Variants in MROH7 observed in about 807,000 individuals in gnomAD.
MROH7 encodes maestro heat like repeat family member 7.
Under a neutral mutation model 129.2 loss-of-function variants are expected in MROH7, and 113 were observed. The observed-to-expected ratio is 0.87, with a 90% CI of 0.75 to 1.02. MROH7 has a LOEUF of 1.02. MROH7 is among the 50% of genes least tolerant of loss of function. The probability of loss-of-function intolerance (pLI) is 0.00; values close to 1 mark genes in which losing one functional copy is unlikely to be tolerated. For synonymous variants in MROH7, 655 were observed against 667.9 expected (o/e 0.98, Z 0.30); for missense variants, 1,601 against 1,671.3 (o/e 0.96, Z 0.73).
chr1:54,678,845 G>T lies in MROH7; in HGVS notation c.2040G>T (p.Arg680=). ...TGAGCCCGTGCCAGAACATTCTGCG[G>T]GTGATCGAGGTGACTGCCTGGTGCC... ...NPVSPCQNIL[R]VIEEFGDFLG... Residue 680 remains arginine (R), a synonymous_variant, in exon 11 of 24, where the codon CGG becomes CGT. Transcript: ENST00000421030. The T allele has an allele frequency of 6.2e-7, 1 of 1,613,496 alleles. No homozygotes were observed. Among genetic ancestry groups the T allele is most frequent in the Non-Finnish European group, 8.5e-7 (1 of 1,179,526 alleles).
At chr1:54,661,051 A>T (rs1167127524) in intron 3 of MROH7, among the ~76,000 whole-genome samples, 2 of 146,602 alleles carry the variant, frequency 1.4e-5, no homozygotes, top group South Asian at 2.2e-4. Flanking sequence ...CGGCATGTAC[A>T]TTTTGCTCAT....
Position 54,653,127 on chromosome 1 carries a change from A to C in MROH7, c.201A>C (p.Pro67=), listed in dbSNP as rs1334591195. Residue 67 remains proline (P), a synonymous_variant, in exon 3 of 24, where the codon CCA becomes CCC. Transcript: ENST00000421030. ...LVPDLNDSLS[P]VSGEASGLVS... Reference sequence around the variant, plus strand: ...CAGATCTTAATGATTCTTTGAGTCCAGTCTCAGGGGAGGCCTCAGGCCTGG... The same window carrying C: ...CAGATCTTAATGATTCTTTGAGTCCCGTCTCAGGGGAGGCCTCAGGCCTGG... 6.2e-7 allele frequency: 1 copy of C among 1,614,074 alleles called. No individual in the cohort carries two copies. Among genetic ancestry groups the C allele is most frequent in the Non-Finnish European group, 8.5e-7 (1 of 1,180,044 alleles).
At chr1:54,643,077 T>C (rs1295331215) in intron 1 of MROH7, among the ~76,000 whole-genome samples, 1 of 152,020 alleles carries the variant, frequency 6.6e-6, no homozygotes, top group Non-Finnish European at 1.5e-5. Flanking sequence ...GCTGGGAAAA[T>C]AGGGGTAACA....
intron 21 of MROH7, 77 bp downstream of exon 21, chr1:54,702,822 C>A: frequency 6.7e-7 from 1 of 1,490,144 alleles, no homozygotes; most frequent in South Asian, 1.3e-5. Flanking sequence ...TCTCTTCCTT[C>A]TTTTCCCACC....
rs760059718 is a variant in MROH7 at position 54,709,079 on chromosome 1, A to G, written c.3730+3A>G. 2 of 1,614,100 alleles carry G rather than the reference A, an allele frequency of 1.2e-6. No individual in the cohort carries two copies. The highest frequency in any genetic ancestry group is 3.3e-5 in the Admixed American group (2 of 60,028). On this transcript the variant is annotated splice_donor_region_variant and intron_variant, in intron 23 of 23. Coordinates refer to ENST00000421030, the MANE Select transcript of MROH7 (RefSeq NM_001039464.4). The stretch of plus-strand genomic sequence containing the variant: ...TCGTCTGAATGAAGTGAAAGCTGGT[A>G]AGTCATGCCCCGCATTGGTGAAATT...
At chr1:54,695,243 G>A in intron 16 of MROH7, 133 bp from the exon 17 acceptor site, 1 of 617,532 alleles carries the variant, frequency 1.6e-6, no homozygotes, top group East Asian at 2.8e-5. Context: ...CCACCCAGGT[G>A]GAAAATCCTG....
At chr1:54,662,119 C>A (rs1644741502) in intron 3 of MROH7, among the ~76,000 whole-genome samples, 1 of 151,964 alleles carries the variant, frequency 6.6e-6, no homozygotes, top group Non-Finnish European at 1.5e-5. Context: ...AGTTGGGAGG[C>A]TGAGGTGGGA....
intron 1 of MROH7, among the ~76,000 whole-genome samples, chr1:54,649,771 T>C (rs1237512437): frequency 6.6e-6 from 1 of 152,156 alleles, no homozygotes; most frequent in Non-Finnish European, 1.5e-5. Flanking sequence ...TACACACGGG[T>C]GGCAGAGATC....
At chr1:54,652,798 T>A in intron 2 of MROH7, 55 bp from the exon 3 acceptor site, 1 of 1,293,272 alleles carries the variant, frequency 7.7e-7, no homozygotes, top group Non-Finnish European at 1.1e-6. Context: ...GTGGGAGCCC[T>A]GGAAAAGCCT....
chr1:54,701,190 G>C lies in MROH7; in HGVS notation c.3153G>C (p.Lys1051Asn), dbSNP rs776782420. Residue 1051 changes from lysine to asparagine, a missense_variant, in exon 19 of 24, where the codon AAG (lysine) becomes AAC (asparagine). Physicochemically the swap from Lys to Asn is moderately conservative, Grantham distance 94. Transcript: ENST00000421030. ...ALLPSMVKGL[K>N]NMDGMLVVEA... is the part of the protein sequence containing the mutation. ...TGCCCTCCATGGTGAAGGGCCTGAA[G>C]AACATGGATGGGATGCTGGTGGTGG... is the stretch of plus-strand genomic sequence containing the variant. 1.2e-6 allele frequency: 2 copies of C among 1,614,190 alleles called. No individual in the cohort carries two copies. The highest frequency in any genetic ancestry group is 1.3e-5 in the African/African-American group (1 of 75,072).
chr1:54,670,568 C>G lies in MROH7; in HGVS notation c.1461C>G (p.Thr487=), dbSNP rs1421666438. 3.1e-6 allele frequency: 5 copies of G among 1,612,946 alleles called. No individual in the cohort carries two copies. In the East Asian group the frequency reaches 1.1e-4, roughly 36 times the overall value. Residue 487 remains threonine, a synonymous_variant, in exon 6 of 24, where the codon ACC becomes ACG. Transcript: ENST00000421030. ...SVRKQAMEIL[T]QLSHTQPTLG... ...GCAAGCAGGCCATGGAGATCCTGAC[C>G]CAGCTGAGGTGTCCATGGCCCTCTC... is the stretch of plus-strand genomic sequence containing the variant.
intron 10 of MROH7, 110 bp downstream of exon 10, chr1:54,674,261 G>A: frequency 1.6e-6 from 2 of 1,284,864 alleles, no homozygotes; most frequent in South Asian, 1.6e-5. Flanking sequence ...TGGGAGATGG[G>A]GGAAACCAGC....
intron 13 of MROH7, among the ~76,000 whole-genome samples, chr1:54,681,767 T>C (rs1645072433): frequency 6.6e-6 from 1 of 152,186 alleles, no homozygotes; most frequent in South Asian, 2.1e-4. Context: ...TGATATTATG[T>C]GACAAGTGCA....
chr1:54,645,624 A>G (rs1018492230), intron 1 of MROH7, among the ~76,000 whole-genome samples: 7 of 148,920 alleles, frequency 4.7e-5, no homozygotes, highest in African/African-American at 1.2e-4. Context: ...TGTAGCTCCA[A>G]TGATATTTCT....
chr1:54,644,470 G>A (rs539368777), intron 1 of MROH7, among the ~76,000 whole-genome samples: 1 of 152,082 alleles, frequency 6.6e-6, no homozygotes, highest in East Asian at 1.9e-4. Flanking sequence ...AGCCTCATGA[G>A]TAGCTGGGAT....
chr1:54,658,949 G>C (rs957620461), intron 3 of MROH7, among the ~76,000 whole-genome samples: 1 of 152,198 alleles, frequency 6.6e-6, no homozygotes, highest in Non-Finnish European at 1.5e-5. Context: ...ATGGGGGTTG[G>C]GGGGACAACT....
In MROH7 at chr1:54,709,944, A is replaced by G. The variant is rs934940309; in HGVS notation, c.3731-2A>G. On this transcript the variant is annotated splice_acceptor_variant, in intron 23 of 23. Transcript: ENST00000421030. LOFTEE classifies it high-confidence loss of function. ...GAGGCTTCTCCCTTCCCCATGACGC[A>G]GCTCTGGATAACTTGAGACATGACC... 2 of 1,608,506 alleles carry G rather than the reference A, an allele frequency of 1.2e-6. No homozygotes were observed. Among genetic ancestry groups the G allele is most frequent in the Non-Finnish European group, 1.7e-6 (2 of 1,175,336 alleles).
At chr1:54,686,663 A>T (rs1246812363) in intron 15 of MROH7, among the ~76,000 whole-genome samples, 1 of 152,190 alleles carries the variant, frequency 6.6e-6, no homozygotes, top group East Asian at 1.9e-4. Flanking sequence ...TTTAGTCTAG[A>T]TCACAGGAAA....
intron 10 of MROH7, 58 bp downstream of exon 10, chr1:54,674,209 T>C: frequency 6.4e-7 from 1 of 1,566,860 alleles, no homozygotes; most frequent in Non-Finnish European, 8.6e-7. Flanking sequence ...TCAGTCTGGA[T>C]TCAATAAAGA....
Sources: gnomAD v4.1 joint callset for allele counts (sites outside exome capture counted in the v4.1 genomes callset) on GRCh38, gnomAD v4.1.1 for gene constraint, MANE v1.5 for transcripts, NCBI Gene and HGNC (gene_info 2026-07-23, HGNC 2026-07-21) for gene names.